The following SMURF2 variants were observed in gnomAD, a reference collection of about 807,000 sequenced individuals.
SMURF2 encodes the protein SMAD specific E3 ubiquitin protein ligase 2.
SMURF2 carries 48 observed loss-of-function variants against 109.6 expected under a neutral mutation model. The observed-to-expected ratio is 0.44, with a 90% CI of 0.35 to 0.56. The LOEUF is 0.56. SMURF2 is among the 20% of genes least tolerant of loss of function. The probability of loss-of-function intolerance (pLI) is 0.01; values close to 1 mark genes in which losing one functional copy is unlikely to be tolerated. For missense variants in SMURF2, 575 were observed against 909.0 expected (o/e 0.63, Z 4.72); for synonymous variants, 288 against 317.1 (o/e 0.91, Z 0.97).
At chr17:64,655,252 CTTTTTTTTTTT>C (rs749497302) in intron 1 of SMURF2, among the ~76,000 whole-genome samples, 4 of 85,906 alleles carry the variant, frequency 4.7e-5, no homozygotes, top group Admixed American at 1.4e-4. Context: ...AATGAAATGT[CTTTTTTTTTTT>C]TTTTTTTTTT....
chr17:64,617,094 AAT>A (rs1555690180), intron 1 of SMURF2, among the ~76,000 whole-genome samples: 39 of 146,514 alleles, frequency 2.7e-4, no homozygotes, highest in African/African-American at 9.7e-4. Flanking sequence ...AAAAAAAAAA[AAT>A]CTTAGTCCAG....
At chr17:64,566,561 G>GTTTTTGTTTTTTTTTTTTTTTTTT (rs1969306555) in intron 10 of SMURF2, among the ~76,000 whole-genome samples, 1 of 43,784 alleles carries the variant, frequency 2.3e-5, no homozygotes, top group Non-Finnish European at 4.2e-5. Flanking sequence ...AAGCTTTCTG[G>GTTTTTGTTTTTTTTTTTTTTTTTT]TTTTTTTTTT....
At chr17:64,604,336 G>T (rs1167548495) in intron 2 of SMURF2, among the ~76,000 whole-genome samples, 2 of 152,020 alleles carry the variant, frequency 1.3e-5, no homozygotes, top group East Asian at 3.9e-4. Context: ...CACACTCTTA[G>T]AATTTTTATC....
intron 15 of SMURF2, among the ~76,000 whole-genome samples, chr17:64,554,419 G>T (rs75687632): frequency 6.6e-6 from 1 of 152,120 alleles, no homozygotes; most frequent in African/African-American, 2.4e-5. Flanking sequence ...AGTGGCTATG[G>T]GGGGAGGGAG....
chr17:64,625,186 T>G (rs1338042994), intron 1 of SMURF2, among the ~76,000 whole-genome samples: 3 of 152,200 alleles, frequency 2.0e-5, no homozygotes, highest in African/African-American at 7.2e-5. Context: ...ACCTTCCCCT[T>G]TGGGTGCCAA....
intron 2 of SMURF2, among the ~76,000 whole-genome samples, chr17:64,602,248 A>G (rs540125873): frequency 1.3e-5 from 2 of 152,106 alleles, no homozygotes; most frequent in Non-Finnish European, 2.9e-5. Context: ...TGATGGGTCC[A>G]CCAGAATCTC....
At chr17:64,609,741 C>T (rs886416319) in intron 1 of SMURF2, among the ~76,000 whole-genome samples, 10 of 151,782 alleles carry the variant, frequency 6.6e-5, no homozygotes, top group South Asian at 2.1e-4. Flanking sequence ...AAACACCAAA[C>T]GCAATGGCAA....
chr17:64,643,330 A>T (rs1970514879), intron 1 of SMURF2, among the ~76,000 whole-genome samples: 2 of 152,100 alleles, frequency 1.3e-5, no homozygotes, highest in African/African-American at 4.8e-5. Context: ...GCCTAAATTG[A>T]ATTTTAAATC....
intron 5 of SMURF2, among the ~76,000 whole-genome samples, chr17:64,586,539 G>A (rs1171069015): frequency 6.6e-6 from 1 of 151,560 alleles, no homozygotes; most frequent in Admixed American, 6.6e-5. Flanking sequence ...ACAAGGTCAG[G>A]AGATCGAGAC....
chr17:64,543,036 A>G lies in SMURF2; in HGVS notation c.*2812T>C, dbSNP rs1445764575. On this transcript the variant is annotated 3_prime_UTR_variant, in exon 19 of 19. Transcript: ENST00000262435. ...GCAAGAGTATGAAAACAGATATCAC[A>G]TATCTGAAATAACAATACAGCTAGA... The G allele has an allele frequency of 6.6e-6, 1 of 152,200 alleles. No individual in the cohort carries two copies. The highest frequency in any genetic ancestry group is 2.4e-5 in the African/African-American group (1 of 41,440). 9.4% of individuals were successfully genotyped at this position (152,200 alleles called of 1,614,324 possible).
chr17:64,613,729 T>C (rs556897325), intron 1 of SMURF2, among the ~76,000 whole-genome samples: 3 of 133,608 alleles, frequency 2.2e-5, no homozygotes, highest in Admixed American at 7.5e-5. Flanking sequence ...TGTGTGTGTG[T>C]GTGTGTGTGT....
At chr17:64,546,800 G>A (rs1968959906) in intron 17 of SMURF2, among the ~76,000 whole-genome samples, 1 of 152,240 alleles carries the variant, frequency 6.6e-6, no homozygotes, top group Admixed American at 6.5e-5. Flanking sequence ...ATAAATACAT[G>A]TAGCAGAAAT....
At chr17:64,585,999 T>C in intron 6 of SMURF2, 87 bp downstream of exon 6, 2 of 765,306 alleles carry the variant, frequency 2.6e-6, no homozygotes, top group Non-Finnish European at 4.1e-6. Flanking sequence ...AAACACCATT[T>C]AATATACAAT....
chr17:64,546,082 C>A, intron 18 of SMURF2, 135 bp from the exon 19 acceptor site: 1 of 857,034 alleles, frequency 1.2e-6, no homozygotes, highest in South Asian at 1.7e-5. Context: ...ACAGAGATGA[C>A]CACTTTTGGG....
intron 13 of SMURF2, 114 bp downstream of exon 13, chr17:64,557,494 G>A (rs1969139161): frequency 4.1e-6 from 3 of 727,616 alleles, no homozygotes; most frequent in Non-Finnish European, 6.8e-6. Flanking sequence ...GAATTGCTGA[G>A]TCAAAGGGCA....
At chr17:64,563,237 C>T (rs1000977206) in intron 10 of SMURF2, 2 of 245,482 alleles carry the variant, frequency 8.1e-6, no homozygotes, top group Non-Finnish European at 1.6e-5. Flanking sequence ...TCCAATATAG[C>T]TTCCATTTTC....
Position 64,554,985 on chromosome 17 carries a change from T to C in SMURF2, c.1619A>G (p.Asp540Gly). Residue 540 changes from aspartate to glycine, a missense_variant, in exon 15 of 19, where the codon GAT (aspartate) becomes GGT (glycine). This residue lies in a region of SMURF2 where 361 missense variants were observed against 612.1 expected (regional missense o/e 0.59). Transcript: ENST00000262435. ...HNSLVWILEN[D>G]ITGVLDHTFC... ...GGTATGGTCCAAAACACCTGTAATA[T>C]CATTCTCACTGGATAGGAAAGAGGA... 1.2e-6 allele frequency: 2 copies of C among 1,613,158 alleles called. No individual in the cohort carries two copies. The highest frequency in any genetic ancestry group is 1.1e-5 in the South Asian group (1 of 90,876).
intron 9 of SMURF2, among the ~76,000 whole-genome samples, chr17:64,575,901 A>G (rs892006634): frequency 1.3e-5 from 2 of 151,956 alleles, no homozygotes; most frequent in African/African-American, 4.8e-5. Context: ...GCATCTGTTC[A>G]TTAAAAAATA....
intron 10 of SMURF2, among the ~76,000 whole-genome samples, chr17:64,565,613 A>G (rs375724521): frequency 5.1e-4 from 65 of 127,688 alleles, no homozygotes; most frequent in Non-Finnish European, 5.9e-4. Context: ...ACATGAAGGG[A>G]AAAAAAAAAA....
Sources: gnomAD v4.1 joint callset for allele counts (sites outside exome capture counted in the v4.1 genomes callset) on GRCh38, gnomAD v4.1.1 for gene constraint, gnomAD v4.1.1 regional missense constraint, MANE v1.5 for transcripts, NCBI Gene and HGNC (gene_info 2026-07-23, HGNC 2026-07-21) for gene names.